NRP1: variants seen among roughly 807,000 people sequenced by gnomAD.
NRP1 encodes neuropilin-1.
NRP1 carries 35 observed loss-of-function variants against 106.7 expected under a neutral mutation model. That is an observed-to-expected ratio of 0.33 (90% CI 0.25 to 0.43). The LOEUF (loss-of-function observed/expected upper bound fraction) is 0.43, where lower values mean the gene tolerates loss of function less well. NRP1 is among the 20% of genes least tolerant of loss of function. The pLI, the probability that NRP1 is intolerant of heterozygous loss-of-function variation, is 1.00. For synonymous variants in NRP1, 437 were observed against 417.9 expected, an observed-to-expected ratio of 1.05 and a Z score of -0.56; for missense variants, 1,024 against 1,170.4, an observed-to-expected ratio of 0.87 and a Z score of 1.83.
rs199622236 is a variant in NRP1, at chr10:33,226,254, G to A, written c.1017C>T (p.Val339=). 8.1e-6 allele frequency: 13 copies of A among 1,614,022 alleles called. No individual in the cohort carries two copies. Among genetic ancestry groups the A allele is most frequent in the Admixed American group, 3.3e-5 (2 of 60,006 alleles). ...DLGLLRFVTA[V]GTQGAISKET... ...CTTTTGAAATGGCGCCCTGTGTCCC[G>A]ACAGCCGTGACAAAGCGCAGAAGGC... is the stretch of plus-strand genomic sequence containing the variant. The change falls in exon 7 of 17, where the codon GTC becomes GTT. Residue 339 remains valine, a synonymous_variant. Transcript: ENST00000374867.
At chr10:33,310,007 G>A (rs193247704) in intron 2 of NRP1, among the ~76,000 whole-genome samples, 3,979 of 151,500 alleles carry the variant, frequency 0.026, 89 homozygotes, top group Non-Finnish European at 0.043. Flanking sequence ...GAGTGCAGTG[G>A]CGCGATCTCC....
intron 2 of NRP1, among the ~76,000 whole-genome samples, chr10:33,294,670 G>A (rs1288890013): frequency 6.6e-6 from 1 of 151,696 alleles, no homozygotes; most frequent in African/African-American, 2.4e-5. Context: ...GAGAGCCAAG[G>A]GGACCAGAAG....
intron 10 of NRP1, 67 bp from the exon 11 acceptor site, chr10:33,203,062 G>T: frequency 6.6e-7 from 1 of 1,511,402 alleles, no homozygotes; most frequent in Non-Finnish European, 9.0e-7. Flanking sequence ...CTGGCTGTTG[G>T]ATCTGCTAAC....
At chr10:33,260,956 A>G (rs891799380) in intron 4 of NRP1, among the ~76,000 whole-genome samples, 3 of 145,004 alleles carry the variant, frequency 2.1e-5, no homozygotes, top group Non-Finnish European at 3.0e-5. Flanking sequence ...TTGAACTACT[A>G]TGACACAAAT....
At chr10:33,278,285 T>C (rs1280856662) in intron 2 of NRP1, among the ~76,000 whole-genome samples, 1 of 152,140 alleles carries the variant, frequency 6.6e-6, no homozygotes, top group East Asian at 1.9e-4. Context: ...TTCCATGTAT[T>C]ACTACATGGG....
At chr10:33,202,498 T>G in intron 11 of NRP1, 1 of 1,095,248 alleles carries the variant, frequency 9.1e-7, no homozygotes, top group Non-Finnish European at 1.2e-6. Flanking sequence ...CAAAAAAACT[T>G]GTCCTCATTA....
chr10:33,183,165 T>C (rs1401607462), intron 15 of NRP1, among the ~76,000 whole-genome samples: 1 of 151,800 alleles, frequency 6.6e-6, no homozygotes, highest in Non-Finnish European at 1.5e-5. Context: ...ATCCCATCTC[T>C]ACAAAAATAA....
At chr10:33,239,752 G>T (rs888600488) in intron 6 of NRP1, among the ~76,000 whole-genome samples, 1 of 152,026 alleles carries the variant, frequency 6.6e-6, no homozygotes, top group Non-Finnish European at 1.5e-5. Flanking sequence ...TACATTTTTC[G>T]CTATATCTAT....
intron 2 of NRP1, among the ~76,000 whole-genome samples, chr10:33,304,829 G>T (rs2065366): frequency 1.3e-5 from 2 of 152,164 alleles, no homozygotes; most frequent in Non-Finnish European, 2.9e-5. Flanking sequence ...AGGGGAGCTC[G>T]CTGCTTTTCG....
At chr10:33,235,060 C>T (rs1348518788) in intron 6 of NRP1, among the ~76,000 whole-genome samples, 3 of 152,220 alleles carry the variant, frequency 2.0e-5, no homozygotes, top group Non-Finnish European at 4.4e-5. Flanking sequence ...GGCTCTGTCA[C>T]ATCTGGATTT....
intron 6 of NRP1, among the ~76,000 whole-genome samples, chr10:33,228,329 G>A (rs1215714123): frequency 2.6e-5 from 4 of 152,164 alleles, no homozygotes; most frequent in Non-Finnish European, 4.4e-5. Flanking sequence ...CTGAGATCTC[G>A]CCACCGCACT....
intron 16 of NRP1, among the ~76,000 whole-genome samples, chr10:33,181,838 G>A (rs372031966): frequency 3.7e-4 from 56 of 152,300 alleles, no homozygotes; most frequent in African/African-American, 1.1e-3. Context: ...AGTGGCTCAC[G>A]CCTGTAATCC....
At chr10:33,241,255 T>C (rs1370574436) in intron 6 of NRP1, among the ~76,000 whole-genome samples, 6 of 152,186 alleles carry the variant, frequency 3.9e-5, no homozygotes, top group Admixed American at 2.6e-4. Flanking sequence ...GGGCAAGGCA[T>C]AGCATTATTC....
chr10:33,250,340 C>A (rs1461949906), intron 6 of NRP1, among the ~76,000 whole-genome samples: 1 of 152,172 alleles, frequency 6.6e-6, no homozygotes, highest in Non-Finnish European at 1.5e-5. Flanking sequence ...AGCACCCACC[C>A]TGTACACAGA....
At chr10:33,324,763 G>A (rs570109328) in intron 2 of NRP1, among the ~76,000 whole-genome samples, 2 of 152,054 alleles carry the variant, frequency 1.3e-5, no homozygotes, top group African/African-American at 2.4e-5. Context: ...TCAGCCTCCC[G>A]AGTAGCTGGG....
At chr10:33,190,404 T>C (rs1836322937) in intron 13 of NRP1, among the ~76,000 whole-genome samples, 1 of 152,244 alleles carries the variant, frequency 6.6e-6, no homozygotes, top group African/African-American at 2.4e-5. Flanking sequence ...AAACTGCCTG[T>C]CTTAAGATTC....
chr10:33,223,048 T>C (rs551509963), intron 7 of NRP1, among the ~76,000 whole-genome samples: 2 of 152,352 alleles, frequency 1.3e-5, no homozygotes, highest in East Asian at 3.9e-4. Flanking sequence ...GCCCGTGGGA[T>C]GGTGATGTTT....
chr10:33,238,905 C>CTGTG (rs34194923), intron 6 of NRP1, among the ~76,000 whole-genome samples: 24,622 of 148,540 alleles, frequency 0.17, 1,991 homozygotes, highest in Middle Eastern at 0.23. Flanking sequence ...GTGGGTGCCT[C>CTGTG]TGTGTGTGTG....
chr10:33,238,662 C>T (rs914676963), intron 6 of NRP1, among the ~76,000 whole-genome samples: 8 of 152,084 alleles, frequency 5.3e-5, no homozygotes, highest in African/African-American at 1.9e-4. Flanking sequence ...AAAGCACAGA[C>T]CCCAGAAGTA....
Sources: gnomAD v4.1 joint callset for allele counts (sites outside exome capture counted in the v4.1 genomes callset) on GRCh38, gnomAD v4.1.1 for gene constraint, MANE v1.5 for transcripts, NCBI Gene and HGNC (gene_info 2026-07-23, HGNC 2026-07-21) for gene names.